The following STON1 variants were observed in gnomAD, a reference collection of about 807,000 sequenced individuals.
STON1 encodes stonin 1, also known as stonin-1.
Under a neutral mutation model 60.9 loss-of-function variants are expected in STON1, and 79 were observed. That is an observed-to-expected ratio of 1.30 (90% CI 1.08 to 1.56). The LOEUF is 1.56. Among genes scored for constraint, STON1 ranks in the 40% most tolerant of loss-of-function variants. The probability of loss-of-function intolerance (pLI) is 0.00; values close to 1 mark genes in which losing one functional copy is unlikely to be tolerated. For missense variants in STON1, 1,166 were observed against 858.9 expected (o/e 1.36, Z -4.47); for synonymous variants, 363 against 306.9 (o/e 1.18, Z -1.91).
intron 3 of STON1, among the ~76,000 whole-genome samples, chr2:48,594,446 T>C (rs1674688794): frequency 1.3e-5 from 2 of 152,212 alleles, no homozygotes; most frequent in Admixed American, 1.3e-4. Flanking sequence ...ATTTAGTAAT[T>C]ATCTGTTGCC....
intron 1 of STON1, among the ~76,000 whole-genome samples, chr2:48,559,137 G>A (rs1196005366): frequency 6.6e-6 from 1 of 152,200 alleles, no homozygotes; most frequent in East Asian, 1.9e-4. Context: ...TATTCAACCT[G>A]TAGTAACAAG....
At chr2:48,552,473 C>T (rs1672144473) in intron 1 of STON1, among the ~76,000 whole-genome samples, 1 of 152,068 alleles carries the variant, frequency 6.6e-6, no homozygotes, top group Non-Finnish European at 1.5e-5. Context: ...CTAAAGTGTA[C>T]ACTTACAGGC....
At chr2:48,541,521 TAAA>T (rs1276920612) in intron 1 of STON1, among the ~76,000 whole-genome samples, 15 of 92,368 alleles carry the variant, frequency 1.6e-4, no homozygotes, top group African/African-American at 4.5e-4. Flanking sequence ...CCATCTCTAC[TAAA>T]AAAAAAAAAA....
chr2:48,591,693 T>A lies in STON1; in HGVS notation c.1971T>A (p.Leu657=). The A allele has an allele frequency of 6.2e-7, 1 of 1,614,164 alleles. No homozygotes were observed. The highest frequency in any genetic ancestry group is 2.2e-5 in the East Asian group (1 of 44,888). ...HPHCLSYKLE[L]GSDQEIPSDW... ...ATTGTCTGTCATACAAATTAGAGCT[T>A]GGATCAGACCAAGAAATTCCCTCTG... The change falls in exon 3 of 4, where the codon CTT becomes CTA. Residue 657 remains leucine, a synonymous_variant. Transcript: ENST00000404752.
intron 1 of STON1, among the ~76,000 whole-genome samples, chr2:48,543,236 A>C (rs2103762193): frequency 6.6e-6 from 1 of 152,074 alleles, no homozygotes; most frequent in East Asian, 1.9e-4. Flanking sequence ...CGGCCTCCCA[A>C]AGTGCTGGGA....
At position 48,580,809 on chromosome 2, in the gene STON1, G is replaced by A. The variant is rs765085882; in HGVS notation, c.176G>A (p.Ser59Asn). 3.7e-5 allele frequency: 58 copies of A among 1,551,654 alleles called. No homozygotes were observed. The highest frequency in any genetic ancestry group is 4.3e-6 in the Non-Finnish European group (5 of 1,150,866). The part of the protein sequence containing the change: ...EFPSGSSSTS[S>N]TPLSSPIVDF... ...CCCAGTGGATCTTCCTCCACCAGCA[G>A]CACTCCTCTCTCCTCCCCCATTGTA... is the stretch of plus-strand genomic sequence containing the variant. The change falls in exon 2 of 4, where the codon AGC becomes AAC. Residue 59 changes from serine to asparagine, a missense_variant. Transcript: ENST00000404752.
rs1355281943 is a variant in STON1 at position 48,597,501 on chromosome 2, G to T, written c.*2199G>T. On this transcript the variant is annotated 3_prime_UTR_variant, in exon 4 of 4. Transcript: ENST00000404752. ...ACACCTCAAAATATATTCAGCAAAGGGTTCACTTAGTTGCCCCTCATGCTT... is the reference window on the plus strand; with the variant it reads ...ACACCTCAAAATATATTCAGCAAAGTGTTCACTTAGTTGCCCCTCATGCTT... 6.6e-6 allele frequency: 1 copy of T among 152,128 alleles called. No homozygotes were observed. Among genetic ancestry groups the T allele is most frequent in the Non-Finnish European group, 1.5e-5 (1 of 68,024 alleles). 9.4% of individuals were successfully genotyped at this position (152,128 alleles called of 1,614,324 possible). A position where few individuals can be genotyped will look rare whatever the true frequency, so the allele number is the denominator to read the frequency against.
At chr2:48,584,538 G>C (rs1341177603) in intron 2 of STON1, among the ~76,000 whole-genome samples, 6 of 152,102 alleles carry the variant, frequency 3.9e-5, no homozygotes. Context: ...AAAGTGTTGG[G>C]ATTACAGGTG....
rs549485126 is a variant in STON1, at chr2:48,567,982, A to G, written c.-47-12605A>G. On this transcript the variant is annotated intron_variant, in intron 1 of 3. Transcript: ENST00000404752. ...TGAAAAACAGCCAATGGAACCGCAC[A>G]GACACACTGAAATTAAGACATTCTT... Among the ~76,000 whole-genome samples, 10 of 143,550 alleles carry G rather than the reference A, an allele frequency of 7.0e-5. 1 individual carries two copies. The East Asian group carries it at 3.2e-3, about 46-fold the overall frequency. 94.2% of individuals were successfully genotyped at this position (143,550 alleles called of 152,430 possible).
In STON1 at chr2:48,591,797, T is replaced by C. The variant is rs1270270471; in HGVS notation, c.2075T>C (p.Val692Ala). The C allele has an allele frequency of 1.2e-6, 2 of 1,614,006 alleles. No homozygotes were observed. Among genetic ancestry groups the C allele is most frequent in the South Asian group, 2.2e-5 (2 of 91,078 alleles). The part of the protein sequence containing the change: ...ASRTEVRSLG[V>A]ESDVQPQKHV... Reference sequence around the variant, plus strand: ...AGGACAGAGGTCAGGTCTCTGGGAGTGGAGAGTGATGTCCAGCCACAGAAA... The same window carrying C: ...AGGACAGAGGTCAGGTCTCTGGGAGCGGAGAGTGATGTCCAGCCACAGAAA... The change falls in exon 3 of 4, where the codon GTG (valine) becomes GCG (alanine). Residue 692 changes from valine to alanine, a missense_variant. Coordinates refer to ENST00000404752, the MANE Select transcript of STON1 (RefSeq NM_006873.4).
intron 1 of STON1, among the ~76,000 whole-genome samples, chr2:48,533,548 G>A (rs1671299519): frequency 6.6e-6 from 1 of 151,196 alleles, no homozygotes; most frequent in East Asian, 2.0e-4. Context: ...AAATTAGCTG[G>A]GTGTGGTGGC....
chr2:48,554,720 T>A (rs1215857345), intron 1 of STON1, among the ~76,000 whole-genome samples: 1 of 54,254 alleles, frequency 1.8e-5, no homozygotes, highest in Admixed American at 1.7e-4. Context: ...TTTTTTTTTT[T>A]TTTTTATTTA....
intron 1 of STON1, chr2:48,531,484 G>A (rs1671209257): frequency 6.6e-6 from 1 of 152,456 alleles, no homozygotes; most frequent in Admixed American, 6.5e-5. Flanking sequence ...TATTATGGTT[G>A]AATCAGTGTT....
chr2:48,561,480 C>A (rs1333258673), intron 1 of STON1, among the ~76,000 whole-genome samples: 2 of 152,188 alleles, frequency 1.3e-5, no homozygotes, highest in Admixed American at 6.5e-5. Flanking sequence ...TCAGGAAAAT[C>A]ATCAAATAGA....
intron 1 of STON1, among the ~76,000 whole-genome samples, chr2:48,542,525 A>G (rs946924935): frequency 1.3e-5 from 2 of 152,240 alleles, no homozygotes; most frequent in East Asian, 1.9e-4. Flanking sequence ...TATTATAAGC[A>G]TTATGTTAAT....
intron 1 of STON1, among the ~76,000 whole-genome samples, chr2:48,533,662 C>CAAA (rs57217272): frequency 0.18 from 9,896 of 56,112 alleles, 676 homozygotes; most frequent in Non-Finnish European, 0.23. Flanking sequence ...AACTCCGTCT[C>CAAA]AAAAAAAAAA....
In STON1 at chr2:48,581,663, A is replaced by G. The variant is rs757389643; in HGVS notation, c.1030A>G (p.Ile344Val). 2 of 1,613,830 alleles carry G rather than the reference A, an allele frequency of 1.2e-6. No homozygotes were observed. Among genetic ancestry groups the G allele is most frequent in the Admixed American group, 3.3e-5 (2 of 59,924 alleles). ...KVENFSVAGK[I>V]HTVKIEHVSY... ...TGAGAACTTCAGTGTAGCAGGAAAAATCCACACTGTGAAGATTGAACATGT... is the reference window on the plus strand; with the variant it reads ...TGAGAACTTCAGTGTAGCAGGAAAAGTCCACACTGTGAAGATTGAACATGT... Residue 344 changes from isoleucine to valine, a missense_variant, in exon 2 of 4, where the codon ATC becomes GTC. Physicochemically the swap from Ile to Val is conservative, Grantham distance 29 (BLOSUM62 3). Coordinates refer to ENST00000404752, the MANE Select transcript of STON1 (RefSeq NM_006873.4).
chr2:48,537,373 T>C (rs1295928756), intron 1 of STON1, among the ~76,000 whole-genome samples: 1 of 152,238 alleles, frequency 6.6e-6, no homozygotes, highest in Non-Finnish European at 1.5e-5. Context: ...TTCATAACTA[T>C]ATGAGATGAT....
At chr2:48,562,352 C>T (rs1338876449) in intron 1 of STON1, among the ~76,000 whole-genome samples, 2 of 152,104 alleles carry the variant, frequency 1.3e-5, no homozygotes, top group African/African-American at 2.4e-5. Flanking sequence ...CTCAGAACTC[C>T]CAGTGGGGAT....
Sources: gnomAD v4.1 joint callset for allele counts (sites outside exome capture counted in the v4.1 genomes callset) on GRCh38, gnomAD v4.1.1 for gene constraint, MANE v1.5 for transcripts, NCBI Gene and HGNC (gene_info 2026-07-23, HGNC 2026-07-21) for gene names.